The following GRM7 variants were observed in gnomAD, a reference collection of about 807,000 sequenced individuals.
GRM7 encodes glutamate metabotropic receptor 7, also known as metabotropic glutamate receptor 7.
GRM7 carries 35 observed loss-of-function variants against 84.5 expected under a neutral mutation model. The ratio of observed to expected loss-of-function variants is 0.41; its 90% CI spans 0.32 to 0.55. The LOEUF (loss-of-function observed/expected upper bound fraction) is 0.55. Among genes scored for constraint, GRM7 ranks in the 20% least tolerant of loss-of-function variants. GRM7 has a pLI of 0.19. For synonymous variants in GRM7, 487 were observed against 455.1 expected (o/e 1.07, Z -0.89); for missense variants, 1,003 against 1,194.6 (o/e 0.84, Z 2.36).
chr3:7,445,784 G>C (rs759139809), intron 5 of GRM7, among the ~76,000 whole-genome samples: 9 of 152,128 alleles, frequency 5.9e-5, no homozygotes, highest in Admixed American at 5.2e-4. Flanking sequence ...ATACCCTTGA[G>C]GGGGAACAAT....
intron 1 of GRM7, among the ~76,000 whole-genome samples, chr3:6,950,497 G>A (rs1021417610): frequency 2.0e-5 from 3 of 152,234 alleles, no homozygotes; most frequent in Non-Finnish European, 2.9e-5. Flanking sequence ...AGGCTGCTGG[G>A]GGGTCAGGGA....
chr3:7,450,970 C>T (rs1488322216), intron 5 of GRM7, among the ~76,000 whole-genome samples: 1 of 152,012 alleles, frequency 6.6e-6, no homozygotes, highest in Non-Finnish European at 1.5e-5. Context: ...CAACCTAAAA[C>T]ATTTTAGCAC....
chr3:7,187,011 G>T (rs1333412183), intron 2 of GRM7, among the ~76,000 whole-genome samples: 4 of 152,114 alleles, frequency 2.6e-5, no homozygotes, highest in Non-Finnish European at 5.9e-5. Flanking sequence ...TGGAGCCTAG[G>T]CAGAGGACTC....
At chr3:7,236,555 G>T (rs1460522288) in intron 2 of GRM7, among the ~76,000 whole-genome samples, 2 of 152,172 alleles carry the variant, frequency 1.3e-5, no homozygotes, top group African/African-American at 2.4e-5. Flanking sequence ...TGTGGCGGAA[G>T]TAGACAATAG....
At chr3:7,703,863 A>C (rs1256194043) in intron 9 of GRM7, among the ~76,000 whole-genome samples, 2 of 152,216 alleles carry the variant, frequency 1.3e-5, no homozygotes, top group Non-Finnish European at 2.9e-5. Context: ...GGCCACATAC[A>C]AAATTCATTT....
At position 7,454,712 on chromosome 3, in the gene GRM7, C is replaced by T. The variant is rs73015553; in HGVS notation, c.1375+1905C>T. Among the ~76,000 whole-genome samples the T allele has an allele frequency of 1.7e-3, 262 of 151,950 alleles. 3 individuals carry two copies. The highest frequency in any genetic ancestry group is 3.1e-3 in the Non-Finnish European group (209 of 67,958). Reference sequence around the variant, plus strand: ...GTTTCTCATTATCCAAGATAAAAATCCCTAACAAGGAATGAGAGAAATATA... The same window carrying T: ...GTTTCTCATTATCCAAGATAAAAATTCCTAACAAGGAATGAGAGAAATATA... On this transcript the variant is annotated intron_variant, in intron 6 of 9. Coordinates refer to ENST00000357716, the MANE Select transcript of GRM7 (RefSeq NM_000844.4).
At chr3:6,893,795 A>T (rs1366110111) in intron 1 of GRM7, 1 of 152,202 alleles carries the variant, frequency 6.6e-6, no homozygotes, top group Non-Finnish European at 1.5e-5. Context: ...ACTAATAATT[A>T]TAAGCTGTTG....
intron 4 of GRM7, among the ~76,000 whole-genome samples, chr3:7,332,444 G>A (rs772271647): frequency 6.6e-5 from 10 of 152,134 alleles, no homozygotes; most frequent in African/African-American, 9.7e-5. Flanking sequence ...ATATCAAATC[G>A]TTTTTCCAAG....
chr3:7,051,658 T>C (rs1156362697), intron 1 of GRM7, among the ~76,000 whole-genome samples: 2 of 151,738 alleles, frequency 1.3e-5, no homozygotes, highest in African/African-American at 4.8e-5. Context: ...TTCTCCCACC[T>C]CCCCATGCTT....
chr3:6,864,289 T>C (rs1480546033), intron 1 of GRM7, among the ~76,000 whole-genome samples: 1 of 152,138 alleles, frequency 6.6e-6, no homozygotes, highest in South Asian at 2.1e-4. Context: ...ATAAAACAGT[T>C]GGTTTGTATG....
chr3:7,601,667 G>A (rs879430861), intron 8 of GRM7, among the ~76,000 whole-genome samples: 1 of 152,068 alleles, frequency 6.6e-6, no homozygotes, highest in Non-Finnish European at 1.5e-5. Flanking sequence ...CTCGTGTATA[G>A]GAAGTCAGGA....
At chr3:7,098,388 C>A (rs916010931) in intron 1 of GRM7, among the ~76,000 whole-genome samples, 7 of 151,948 alleles carry the variant, frequency 4.6e-5, no homozygotes, top group South Asian at 2.1e-4. Flanking sequence ...TTATATGACA[C>A]AATTCCATGG....
chr3:7,652,627 C>G (rs1368321654), intron 8 of GRM7, among the ~76,000 whole-genome samples: 2 of 152,172 alleles, frequency 1.3e-5, no homozygotes, highest in African/African-American at 2.4e-5. Context: ...CTCCACCCAG[C>G]CTGCAGTTTG....
intron 1 of GRM7, among the ~76,000 whole-genome samples, chr3:6,985,124 A>G (rs939709533): frequency 3.3e-5 from 5 of 152,144 alleles, no homozygotes; most frequent in Admixed American, 1.3e-4. Flanking sequence ...CTTATGAGGT[A>G]TGTGAGACGT....
chr3:6,965,385 G>T, intron 1 of GRM7, among the ~76,000 whole-genome samples: 1 of 151,904 alleles, frequency 6.6e-6, no homozygotes, highest in Non-Finnish European at 1.5e-5. Context: ...TGATGTGATC[G>T]TGGCTCACTG....
intron 2 of GRM7, among the ~76,000 whole-genome samples, chr3:7,230,487 T>C (rs1259671203): frequency 1.3e-5 from 2 of 152,192 alleles, no homozygotes; most frequent in African/African-American, 4.8e-5. Context: ...TGTTTCTTAG[T>C]GTTCAGCTCT....
intron 1 of GRM7, among the ~76,000 whole-genome samples, chr3:6,919,115 T>TGC (rs1697035311): frequency 1.3e-5 from 2 of 151,748 alleles, no homozygotes; most frequent in Non-Finnish European, 2.9e-5. Context: ...TCTTGCCTCA[T>TGC]TGGTCTAATG....
intron 7 of GRM7, among the ~76,000 whole-genome samples, chr3:7,474,034 G>A (rs1698819508): frequency 6.6e-6 from 1 of 152,172 alleles, no homozygotes; most frequent in South Asian, 2.1e-4. Context: ...CCAGCTCTGT[G>A]AAGGGTCAGC....
At chr3:7,370,324 G>A (rs1218276592) in intron 4 of GRM7, among the ~76,000 whole-genome samples, 4 of 152,050 alleles carry the variant, frequency 2.6e-5, no homozygotes, top group Non-Finnish European at 5.9e-5. Context: ...TACCCCACAG[G>A]CTTGGATGAT....
Sources: allele counts gnomAD v4.1 joint callset (sites outside exome capture counted in the v4.1 genomes callset), GRCh38; gene constraint gnomAD v4.1.1; transcripts MANE v1.5; gene names NCBI Gene and HGNC (gene_info 2026-07-23, HGNC 2026-07-21).